COL24A1: variants seen among roughly 807,000 people sequenced by gnomAD.
COL24A1 encodes collagen alpha-1(XXIV) chain.
In COL24A1, 224 loss-of-function variants were observed where a neutral mutation model predicts 253.9. That is an observed-to-expected ratio of 0.88 (90% CI 0.79 to 0.99). COL24A1 has a LOEUF of 0.99. Among genes scored for constraint, COL24A1 ranks in the 50% least tolerant of loss-of-function variants. The pLI, the probability that COL24A1 is intolerant of heterozygous loss-of-function variation, is 0.00. For missense variants in COL24A1, 2,131 were observed against 2,068.5 expected, an observed-to-expected ratio of 1.03 and a Z score of -0.59; for synonymous variants, 685 against 673.7, an observed-to-expected ratio of 1.02 and a Z score of -0.26.
intron 37 of COL24A1, among the ~76,000 whole-genome samples, chr1:85,860,815 T>C (rs1679059439): frequency 6.6e-6 from 1 of 152,246 alleles, no homozygotes; most frequent in African/African-American, 2.4e-5. Flanking sequence ...TTTAGCATAA[T>C]GTTTTCGAGG....
At chr1:85,849,045 A>G (rs1348186605) in intron 38 of COL24A1, among the ~76,000 whole-genome samples, 1 of 152,206 alleles carries the variant, frequency 6.6e-6, no homozygotes, top group Non-Finnish European at 1.5e-5. Flanking sequence ...CAAATGGTAT[A>G]GTATTTTCCT....
intron 59 of COL24A1, among the ~76,000 whole-genome samples, chr1:85,730,968 A>T (rs1663415861): frequency 1.3e-5 from 2 of 152,216 alleles, no homozygotes; most frequent in African/African-American, 4.8e-5. Context: ...ATTGGACCAG[A>T]TATGAATTAA....
Position 85,971,395 on chromosome 1 carries a change from T to C in COL24A1, c.2365-2A>G. On this transcript the variant is annotated splice_acceptor_variant, in intron 20 of 59. Transcript: ENST00000370571. LOFTEE classifies it high-confidence loss of function. ...AGGTCCTCTATTTCCAAGGAGTCCC[T>C]ATAAAAGCAATATAAATGCACACAA... 6.2e-7 allele frequency: 1 copy of C among 1,608,706 alleles called. No homozygotes were observed. Among genetic ancestry groups the C allele is most frequent in the South Asian group, 1.1e-5 (1 of 90,224 alleles).
chr1:85,945,267 TCC>T (rs1689224168), intron 24 of COL24A1, among the ~76,000 whole-genome samples: 1 of 151,152 alleles, frequency 6.6e-6, no homozygotes, highest in Non-Finnish European at 1.5e-5. Context: ...TCCGCCCACC[TCC>T]CGGCCTCCCA....
At chr1:86,046,396 A>G (rs1487600935) in intron 12 of COL24A1, among the ~76,000 whole-genome samples, 1 of 152,148 alleles carries the variant, frequency 6.6e-6, no homozygotes. Context: ...TAACCTGAAA[A>G]TATGAGAAGC....
At chr1:85,876,066 T>C (rs761194937) in intron 33 of COL24A1, among the ~76,000 whole-genome samples, 1 of 151,962 alleles carries the variant, frequency 6.6e-6, no homozygotes, top group Admixed American at 6.6e-5. Flanking sequence ...GTTAAGAAAT[T>C]GGCATTTTAT....
At chr1:85,781,541 G>C (rs1432734793) in intron 51 of COL24A1, among the ~76,000 whole-genome samples, 1 of 152,058 alleles carries the variant, frequency 6.6e-6, no homozygotes, top group African/African-American at 2.4e-5. Flanking sequence ...TTTATGTGGT[G>C]ATAACTTCAA....
chr1:85,986,109 G>A (rs1365332012), intron 20 of COL24A1, among the ~76,000 whole-genome samples: 1 of 151,800 alleles, frequency 6.6e-6, no homozygotes, highest in Non-Finnish European at 1.5e-5. Context: ...TGCTCTCACA[G>A]TATTGCTGAT....
In COL24A1 at chr1:85,838,583, A is replaced by G. The variant is rs763254879; in HGVS notation, c.3681+2T>C. 1 of 1,613,600 alleles carries G rather than the reference A, an allele frequency of 6.2e-7. No homozygotes were observed. The highest frequency in any genetic ancestry group is 1.1e-5 in the South Asian group (1 of 91,064). ...TTAGTAAGGGGTATAACTTGCAATT[A>G]CCTTATATCCCTCTGCTCCAGGCTC... On this transcript the variant is annotated splice_donor_variant, in intron 43 of 59. Coordinates refer to ENST00000370571, the MANE Select transcript of COL24A1 (RefSeq NM_152890.7). LOFTEE classifies it high-confidence loss of function.
chr1:85,842,107 T>G lies in COL24A1; in HGVS notation c.3531A>C (p.Gln1177His). The change falls in exon 41 of 60, where the codon CAA becomes CAC. Residue 1177 changes from glutamine to histidine, a missense_variant. Physicochemically the swap from Gln to His is conservative, Grantham distance 24. Coordinates refer to ENST00000370571, the MANE Select transcript of COL24A1 (RefSeq NM_152890.7). ...GTCCTGGCAATCCAGAGGGTCCTGG[T>G]TGGCCCTGATGGCCCTACGAAAGGA... ...GIPGYRGHQG[Q>H]PGPSGLPGPK... 9.3e-6 allele frequency: 15 copies of G among 1,613,836 alleles called. No homozygotes were observed. The highest frequency in any genetic ancestry group is 1.3e-5 in the African/African-American group (1 of 75,066).
rs961346181 is a variant in COL24A1 at position 85,790,166 on chromosome 1, C to T, written c.3952-3705G>A. On this transcript the variant is annotated intron_variant, in intron 47 of 59. Transcript: ENST00000370571. ...GTATACCTCTGGTAGAATTCAGTTA[C>T]GAATCCATCTAGTTCTGGGTTTATT... Among the ~76,000 whole-genome samples the T allele has an allele frequency of 8.5e-5, 13 of 152,120 alleles. 1 individual carries two copies. In the South Asian group the frequency reaches 2.3e-3, roughly 27 times the overall value.
chr1:86,002,307 C>T (rs553868391), intron 19 of COL24A1, among the ~76,000 whole-genome samples: 17 of 152,270 alleles, frequency 1.1e-4, no homozygotes, highest in East Asian at 5.8e-4. Flanking sequence ...CGCACCCCTG[C>T]GGAGATCGCA....
intron 24 of COL24A1, among the ~76,000 whole-genome samples, chr1:85,937,361 G>A (rs1480759922): frequency 6.8e-6 from 1 of 147,712 alleles, no homozygotes; most frequent in Non-Finnish European, 1.5e-5. Context: ...TGACCTGGCT[G>A]GTTGATTAGG....
intron 47 of COL24A1, 136 bp downstream of exon 47, chr1:85,816,652 T>A: frequency 1.5e-6 from 1 of 686,280 alleles, no homozygotes; most frequent in African/African-American, 1.8e-5. Flanking sequence ...TACAACTGCA[T>A]AATAGCTATT....
intron 7 of COL24A1, among the ~76,000 whole-genome samples, chr1:86,075,072 A>G (rs1363299738): frequency 6.6e-6 from 1 of 152,164 alleles, no homozygotes; most frequent in African/African-American, 2.4e-5. Context: ...GAGACACGAA[A>G]AACTCTTCAA....
At chr1:86,066,479 C>T (rs986874211) in intron 7 of COL24A1, among the ~76,000 whole-genome samples, 6 of 151,744 alleles carry the variant, frequency 4.0e-5, no homozygotes, top group Non-Finnish European at 8.8e-5. Flanking sequence ...CTCCTGACCT[C>T]GTGATCTGCC....
intron 32 of COL24A1, among the ~76,000 whole-genome samples, chr1:85,887,346 C>A (rs994322760): frequency 6.6e-6 from 1 of 151,812 alleles, no homozygotes; most frequent in Non-Finnish European, 1.5e-5. Context: ...TTATTGAAGG[C>A]GATTGGGTAC....
At chr1:86,070,598 C>A (rs1371554470) in intron 7 of COL24A1, among the ~76,000 whole-genome samples, 1 of 152,056 alleles carries the variant, frequency 6.6e-6, no homozygotes, top group East Asian at 1.9e-4. Context: ...AGAAAAGAAA[C>A]AAATAACATA....
intron 7 of COL24A1, among the ~76,000 whole-genome samples, chr1:86,081,533 T>C (rs1328102330): frequency 6.6e-6 from 1 of 152,202 alleles, no homozygotes; most frequent in Non-Finnish European, 1.5e-5. Context: ...TGTTAGCTAA[T>C]ACTTCTTTTG....
Sources: gnomAD v4.1 joint callset for allele counts (sites outside exome capture counted in the v4.1 genomes callset) on GRCh38, gnomAD v4.1.1 for gene constraint, MANE v1.5 for transcripts, NCBI Gene and HGNC (gene_info 2026-07-23, HGNC 2026-07-21) for gene names.